NEBL: variants seen among roughly 807,000 people sequenced by gnomAD.
The protein encoded by NEBL is nebulette.
A neutral mutation model predicts 140.2 loss-of-function variants in NEBL; 122 were observed. That is an observed-to-expected ratio of 0.87 (90% CI 0.75 to 1.01). The LOEUF is 1.01. Among genes scored for constraint, NEBL ranks in the 50% least tolerant of loss-of-function variants. The pLI, the probability that NEBL is intolerant of heterozygous loss-of-function variation, is 0.00. For synonymous variants in NEBL, 436 were observed against 398.9 expected, an observed-to-expected ratio of 1.09 and a Z score of -1.11; for missense variants, 1,365 against 1,231.3, an observed-to-expected ratio of 1.11 and a Z score of -1.62.
intron 11 of NEBL, among the ~76,000 whole-genome samples, chr10:20,847,765 T>C (rs1335848156): frequency 6.6e-6 from 1 of 152,234 alleles, no homozygotes; most frequent in African/African-American, 2.4e-5. Flanking sequence ...AACAGCTTCA[T>C]ACTGTCTTAA....
chr10:21,272,597 A>G (rs532724874), intron 1 of NEBL, among the ~76,000 whole-genome samples: 4 of 152,280 alleles, frequency 2.6e-5, no homozygotes, highest in East Asian at 3.9e-4. Context: ...AAATAAATAA[A>G]TACATAAATA....
At chr10:20,848,659 A>G (rs963284669) in intron 11 of NEBL, among the ~76,000 whole-genome samples, 2 of 152,128 alleles carry the variant, frequency 1.3e-5, no homozygotes, top group Non-Finnish European at 2.9e-5. Flanking sequence ...TGCACTCCTT[A>G]TGAGAATCTA....
chr10:20,987,071 A>G (rs991297427), intron 3 of NEBL, among the ~76,000 whole-genome samples: 1 of 152,220 alleles, frequency 6.6e-6, no homozygotes, highest in African/African-American at 2.4e-5. Context: ...TGAAATGTGG[A>G]TTAAATGGGT....
chr10:21,291,386 A>G (rs1010427126), intron 1 of NEBL, among the ~76,000 whole-genome samples: 7 of 151,540 alleles, frequency 4.6e-5, no homozygotes, highest in African/African-American at 1.5e-4. Context: ...CATGGCTGTA[A>G]TCCCAGCTAC....
intron 2 of NEBL, among the ~76,000 whole-genome samples, chr10:21,135,850 T>C (rs1483365328): frequency 6.6e-6 from 1 of 152,158 alleles, no homozygotes; most frequent in Non-Finnish European, 1.5e-5. Context: ...GAAATCCAGC[T>C]CTTCCTCCTC....
intron 4 of NEBL, among the ~76,000 whole-genome samples, chr10:20,918,764 T>C (rs1224017026): frequency 6.6e-6 from 1 of 151,372 alleles, no homozygotes; most frequent in Non-Finnish European, 1.5e-5. Context: ...GGCAGAAGAA[T>C]GGTGTAAACC....
intron 9 of NEBL, among the ~76,000 whole-genome samples, chr10:20,853,647 G>A (rs375339505): frequency 1.6e-4 from 24 of 152,130 alleles, no homozygotes; most frequent in African/African-American, 5.3e-4. Context: ...AATCAGCTGG[G>A]CATGGTGACA....
At chr10:20,889,977 A>G in intron 2 of NEBL, 28 bp from the exon 3 acceptor site, 1 of 1,440,670 alleles carries the variant, frequency 6.9e-7, no homozygotes, top group Admixed American at 1.8e-5. Flanking sequence ...TTACATAAGA[A>G]GAGAAAAAGA....
chr10:21,110,157 G>A (rs1589243546), intron 2 of NEBL, among the ~76,000 whole-genome samples: 1 of 152,036 alleles, frequency 6.6e-6, no homozygotes, highest in African/African-American at 2.4e-5. Context: ...TATTATAATT[G>A]CTTTGTCTAG....
chr10:20,859,083 A>C (rs964801790), intron 8 of NEBL, among the ~76,000 whole-genome samples: 3 of 152,246 alleles, frequency 2.0e-5, no homozygotes, highest in African/African-American at 7.2e-5. Flanking sequence ...CATAATTTTT[A>C]TACTTGAGAA....
chr10:21,247,641 C>T (rs1842534870), intron 3 of NEBL: 1 of 152,196 alleles, frequency 6.6e-6, no homozygotes, highest in Admixed American at 6.5e-5. Context: ...TTTGCTGCTT[C>T]CCCAAGTCCC....
chr10:21,263,404 G>A (rs1266852522), intron 1 of NEBL, among the ~76,000 whole-genome samples: 8 of 152,102 alleles, frequency 5.3e-5, no homozygotes, highest in South Asian at 4.2e-4. Context: ...GAAAGGGGGC[G>A]GGGGGTTGAG....
At chr10:21,204,566 T>C (rs1841796330) in intron 3 of NEBL, among the ~76,000 whole-genome samples, 1 of 152,152 alleles carries the variant, frequency 6.6e-6, no homozygotes, top group South Asian at 2.1e-4. Flanking sequence ...AGAACTTTGA[T>C]GTTGGACTTC....
intron 2 of NEBL, chr10:21,170,434 C>G (rs557480940): frequency 1.3e-5 from 2 of 152,304 alleles, no homozygotes; most frequent in African/African-American, 4.8e-5. Flanking sequence ...TTCCTTTAAC[C>G]AAAGAACAAT....
intron 2 of NEBL, among the ~76,000 whole-genome samples, chr10:21,039,613 C>T (rs980821423): frequency 6.6e-6 from 1 of 152,080 alleles, no homozygotes. Flanking sequence ...ATTCAGTAAC[C>T]ACTGAACATA....
At chr10:20,821,981 C>G (rs778771532) in intron 19 of NEBL, among the ~76,000 whole-genome samples, 12 of 152,158 alleles carry the variant, frequency 7.9e-5, no homozygotes, top group African/African-American at 2.9e-4. Context: ...CAACGTTACC[C>G]CTTCCCCAAG....
At chr10:20,823,035 C>T (rs920103616) in intron 19 of NEBL, among the ~76,000 whole-genome samples, 173 bp downstream of exon 19, 1 of 152,144 alleles carries the variant, frequency 6.6e-6, no homozygotes, top group Admixed American at 6.6e-5. Context: ...AGGCATTAGG[C>T]TAGGTGTCAT....
intron 2 of NEBL, among the ~76,000 whole-genome samples, chr10:21,042,438 T>C (rs1021707633): frequency 3.5e-4 from 53 of 152,340 alleles, no homozygotes; most frequent in African/African-American, 1.2e-3. Flanking sequence ...AAAAATTAAA[T>C]TGTATCAACT....
At position 21,270,375 on chromosome 10, in the gene NEBL, T is replaced by A. The variant is rs537371900; in HGVS notation, n.183-18547A>T. On this transcript the variant is annotated intron_variant and non_coding_transcript_variant, in intron 1 of 8. Coordinates refer to the NEBL transcript ENST00000675702. ...TCTGAGACTATTTTCCATATTTTTT[T>A]TTTTTTTTTGAGACAGAGTCTCACT... 3.3e-5 allele frequency among the ~76,000 whole-genome samples: 5 copies of A among 152,006 alleles called. 1 individual carries two copies. Among genetic ancestry groups the A allele is most frequent in the Admixed American group, 3.3e-4 (5 of 15,246 alleles).
Sources: allele counts gnomAD v4.1 joint callset (sites outside exome capture counted in the v4.1 genomes callset), GRCh38; gene constraint gnomAD v4.1.1; transcripts MANE v1.5; gene names NCBI Gene and HGNC (gene_info 2026-07-23, HGNC 2026-07-21).